WDR7: variants seen among roughly 807,000 people sequenced by gnomAD.
WDR7 encodes WD repeat domain 7.
Under a neutral mutation model 169.4 loss-of-function variants are expected in WDR7, and 46 were observed. The observed-to-expected ratio is 0.27, with a 90% CI of 0.21 to 0.35. WDR7 has a LOEUF of 0.35. WDR7 is among the 10% of genes least tolerant of loss of function. The pLI, the probability that WDR7 is intolerant of heterozygous loss-of-function variation, is 1.00. For synonymous variants in WDR7, 612 were observed against 666.8 expected (o/e 0.92, Z 1.27); for missense variants, 1,534 against 1,859.3 (o/e 0.83, Z 3.22).
chr18:57,032,817 A>G (rs1194646910), downstream of WDR7: 1 of 82,468 alleles, frequency 1.2e-5, no homozygotes, highest in South Asian at 2.9e-4. Flanking sequence ...ATATATATAT[A>G]TATATATATA....
At chr18:56,788,540 T>C (rs2044437027) in intron 19 of WDR7, among the ~76,000 whole-genome samples, 1 of 152,146 alleles carries the variant, frequency 6.6e-6, no homozygotes, top group South Asian at 2.1e-4. Flanking sequence ...GATAAAAATA[T>C]ACCTAAGCTT....
chr18:57,016,671 AT>A (rs2048211700), intron 26 of WDR7, among the ~76,000 whole-genome samples: 1 of 152,152 alleles, frequency 6.6e-6, no homozygotes, highest in Admixed American at 6.5e-5. Flanking sequence ...GGTTAATTAT[AT>A]TTCTTTGCAG....
chr18:56,777,624 G>A (rs1055460721), intron 17 of WDR7, among the ~76,000 whole-genome samples: 4 of 152,068 alleles, frequency 2.6e-5, no homozygotes, highest in Non-Finnish European at 4.4e-5. Flanking sequence ...TGCGTTTGTA[G>A]TTACCACTTT....
intron 19 of WDR7, among the ~76,000 whole-genome samples, chr18:56,800,708 C>G (rs140586763): frequency 2.0e-5 from 3 of 152,328 alleles, no homozygotes; most frequent in African/African-American, 7.2e-5. Context: ...ATTATCCTGG[C>G]ATTGGCCATA....
At chr18:56,813,767 A>G (rs1384119407) in intron 19 of WDR7, among the ~76,000 whole-genome samples, 1 of 151,896 alleles carries the variant, frequency 6.6e-6, no homozygotes, top group Non-Finnish European at 1.5e-5. Context: ...TGAGGATTTT[A>G]TAACCCTTAC....
intron 22 of WDR7, among the ~76,000 whole-genome samples, chr18:56,926,930 G>A (rs2046816433): frequency 6.6e-6 from 1 of 151,854 alleles, no homozygotes; most frequent in Admixed American, 6.6e-5. Context: ...TCTTACCCTT[G>A]TGCTGCCCTG....
In WDR7 at chr18:57,025,747, A is replaced by T. The variant is rs564740174; in HGVS notation, c.4270-1257A>T. 5.3e-5 allele frequency among the ~76,000 whole-genome samples: 8 copies of T among 152,300 alleles called. No individual in the cohort carries two copies. The East Asian group carries it at 1.5e-3, about 29-fold the overall frequency. The stretch of plus-strand genomic sequence containing the variant: ...CACACACTCTGCTAGAGATGCCATG[A>T]TTTACGCCCTCTGACACCATCCTGC... On this transcript the variant is annotated intron_variant, in intron 27 of 27. Coordinates refer to ENST00000254442, the MANE Select transcript of WDR7 (RefSeq NM_015285.3).
intron 21 of WDR7, among the ~76,000 whole-genome samples, chr18:56,882,940 C>T (rs1041364082): frequency 3.3e-5 from 5 of 152,102 alleles, no homozygotes; most frequent in South Asian, 2.1e-4. Flanking sequence ...AATGTAGGAA[C>T]GGCTGGGCGC....
chr18:56,746,057 G>A (rs1046836865), intron 14 of WDR7, among the ~76,000 whole-genome samples: 23 of 152,156 alleles, frequency 1.5e-4, no homozygotes, highest in Non-Finnish European at 7.3e-5. Context: ...ATATGACATG[G>A]TATTGCAGGC....
At chr18:56,743,800 G>A (rs2043657281) in intron 14 of WDR7, among the ~76,000 whole-genome samples, 1 of 152,176 alleles carries the variant, frequency 6.6e-6, no homozygotes, top group Non-Finnish European at 1.5e-5. Flanking sequence ...ATCAAGTAGT[G>A]AGAGGAACGT....
At chr18:56,839,124 A>G (rs1041045403) in intron 20 of WDR7, among the ~76,000 whole-genome samples, 3 of 152,148 alleles carry the variant, frequency 2.0e-5, no homozygotes, top group Non-Finnish European at 4.4e-5. Flanking sequence ...TTTTCTCATA[A>G]TTCATATATT....
intron 24 of WDR7, among the ~76,000 whole-genome samples, chr18:56,938,888 C>T (rs1027989778): frequency 2.0e-5 from 3 of 151,084 alleles, no homozygotes; most frequent in African/African-American, 7.3e-5. Context: ...TTCTGGAAGA[C>T]TTATTTAAAT....
chr18:56,710,624 A>T (rs1456351706), intron 12 of WDR7, among the ~76,000 whole-genome samples: 7 of 152,168 alleles, frequency 4.6e-5, no homozygotes, highest in Admixed American at 4.6e-4. Context: ...TAGTCTACTC[A>T]ATGAAAGTAT....
At chr18:56,965,195 T>C (rs1335405021) in intron 26 of WDR7, among the ~76,000 whole-genome samples, 1 of 152,062 alleles carries the variant, frequency 6.6e-6, no homozygotes, top group African/African-American at 2.4e-5. Context: ...GAAAATTCAC[T>C]TGGCTGTAGG....
chr18:56,843,586 G>A (rs2045519633), intron 20 of WDR7, among the ~76,000 whole-genome samples: 1 of 152,312 alleles, frequency 6.6e-6, no homozygotes, highest in Middle Eastern at 3.4e-3. Flanking sequence ...TCATTCTACA[G>A]ACACTTGGGT....
intron 20 of WDR7, among the ~76,000 whole-genome samples, chr18:56,828,439 G>C (rs925240907): frequency 1.5e-4 from 23 of 152,114 alleles, no homozygotes; most frequent in African/African-American, 4.8e-4. Flanking sequence ...AGAGATAATG[G>C]AGACAAGCTT....
At chr18:56,653,135 G>T (rs980545986) in intron 1 of WDR7, among the ~76,000 whole-genome samples, 3 of 151,962 alleles carry the variant, frequency 2.0e-5, no homozygotes, top group Non-Finnish European at 4.4e-5. Context: ...TGGACCTCAG[G>T]TGCAGAGGAT....
At chr18:56,792,940 TG>T (rs2044517599) in intron 19 of WDR7, among the ~76,000 whole-genome samples, 1 of 152,210 alleles carries the variant, frequency 6.6e-6, no homozygotes. Flanking sequence ...TGGTTCTGTA[TG>T]GCAACTTGGG....
chr18:57,009,898 C>G, intron 26 of WDR7: 1 of 985,402 alleles, frequency 1.0e-6, no homozygotes, highest in Non-Finnish European at 1.2e-6. Context: ...AGATCCTGAC[C>G]TACTGCTCTA....
Sources: gnomAD v4.1 joint callset for allele counts (sites outside exome capture counted in the v4.1 genomes callset) on GRCh38, gnomAD v4.1.1 for gene constraint, MANE v1.5 for transcripts, NCBI Gene and HGNC (gene_info 2026-07-23, HGNC 2026-07-21) for gene names.